The following CARD10 variants were observed in gnomAD, a reference collection of about 807,000 sequenced individuals.
CARD10 encodes the protein caspase recruitment domain family member 10.
In CARD10, 49 loss-of-function variants were observed where a neutral mutation model predicts 114.6. The ratio of observed to expected loss-of-function variants is 0.43; its 90% CI spans 0.34 to 0.54. The LOEUF (loss-of-function observed/expected upper bound fraction) is 0.54, where lower values mean the gene tolerates loss of function less well. CARD10 is among the 20% of genes least tolerant of loss of function. The pLI is 0.03. For synonymous variants in CARD10, 602 were observed against 593.2 expected (o/e 1.01, Z -0.21); for missense variants, 1,206 against 1,397.2 (o/e 0.86, Z 2.18).
At chr22:37,517,464 C>T (rs996199204) in intron 2 of CARD10, among the ~76,000 whole-genome samples, 5 of 152,020 alleles carry the variant, frequency 3.3e-5, no homozygotes, top group Non-Finnish European at 7.4e-5. Context: ...GATGAAACCC[C>T]ATCTCTATTA....
intron 1 of CARD10, among the ~76,000 whole-genome samples, chr22:37,518,600 C>T (rs1369536504): frequency 6.6e-6 from 1 of 152,156 alleles, no homozygotes. Flanking sequence ...GAGGAGGGGA[C>T]AGACAGAACT....
chr22:37,513,199 C>T (rs111533522), intron 3 of CARD10, among the ~76,000 whole-genome samples: 23,682 of 152,094 alleles, frequency 0.16, 2,270 homozygotes, highest in Middle Eastern at 0.33. Flanking sequence ...CAACCTCCAC[C>T]TCCCGGGTTC....
rs540594460 is a variant in CARD10, at chr22:37,491,105, T to C, written c.*54A>G. Reference sequence around the variant, plus strand: ...AGGGTGGGAGGGCCCAGCTTCACCATAGACACCAGGGTCCACGCTGGCTTG... The same window carrying C: ...AGGGTGGGAGGGCCCAGCTTCACCACAGACACCAGGGTCCACGCTGGCTTG... On this transcript the variant is annotated 3_prime_UTR_variant, in exon 20 of 20. Coordinates refer to ENST00000251973, the MANE Select transcript of CARD10 (RefSeq NM_014550.4). 4.5e-5 allele frequency: 63 copies of C among 1,405,316 alleles called. No homozygotes were observed. The highest frequency in any genetic ancestry group is 2.6e-4 in the South Asian group (21 of 80,474). 87.1% of individuals were successfully genotyped at this position (1,405,316 alleles called of 1,614,324 possible). A position where few individuals can be genotyped will look rare whatever the true frequency, so the allele number is the denominator to read the frequency against.
At position 37,491,161 on chromosome 22, in the gene CARD10, A is replaced by G; in HGVS notation, c.3097T>C (p.Ter1033ArgextTer20). 1.3e-6 allele frequency: 2 copies of G among 1,554,708 alleles called. No homozygotes were observed. Among genetic ancestry groups the G allele is most frequent in the Non-Finnish European group, 1.7e-6 (2 of 1,150,102 alleles). Residue 1033 changes from the stop codon to arginine, a stop_lost, in exon 20 of 20, where the codon TGA (stop) becomes CGA (arginine). Transcript: ENST00000251973. ...AAGGTGCAGGTATCAGATGAGCCTC[A>G]GGCCTCACTGCTGCTGGGGCAGCCT... ...SRGCPSSSEA[*>R]
Position 37,501,277 on chromosome 22 carries a change from G to T in CARD10, c.1787+1325C>A, listed in dbSNP as rs1923201955. On this transcript the variant is annotated intron_variant, in intron 11 of 19. Transcript: ENST00000251973. The surrounding 1 kb of genome is among the most constrained non-coding windows in gnomAD (Gnocchi z 5.4). ...CATGTGATCGTGGGGCCTGGGCGGG[G>T]CTGGGACGGAGGCTCCTGCTCCCTG... is the stretch of plus-strand genomic sequence containing the variant. Among the ~76,000 whole-genome samples, 1 of 152,156 alleles carries T rather than the reference G, an allele frequency of 6.6e-6. No individual in the cohort carries two copies. Among genetic ancestry groups the T allele is most frequent in the Non-Finnish European group, 1.5e-5 (1 of 68,026 alleles).
rs1923206925 is a variant in CARD10, at chr22:37,501,406, C to T, written c.1787+1196G>A. On this transcript the variant is annotated intron_variant, in intron 11 of 19. Transcript: ENST00000251973. The surrounding 1 kb of genome is among the most constrained non-coding windows in gnomAD (Gnocchi z 5.4). ...GCGAGCAGGAAGGGAGGCGCCTCCA[C>T]CCCTTCCCCGAGAAGCACGTCCTGC... is the stretch of plus-strand genomic sequence containing the variant. 6.6e-6 allele frequency among the ~76,000 whole-genome samples: 1 copy of T among 151,950 alleles called. No homozygotes were observed. Among genetic ancestry groups the T allele is most frequent in the African/African-American group, 2.4e-5 (1 of 41,302 alleles).
intron 3 of CARD10, among the ~76,000 whole-genome samples, chr22:37,513,608 G>T (rs1254743140): frequency 6.6e-6 from 1 of 152,020 alleles, no homozygotes; most frequent in Non-Finnish European, 1.5e-5. Context: ...AGCCGTGAGG[G>T]CTGCAGCCCC....
Position 37,496,687 on chromosome 22 carries a change from A to C in CARD10, c.1948-127T>G. 1.3e-6 allele frequency: 1 copy of C among 745,050 alleles called. No individual in the cohort carries two copies. Among genetic ancestry groups the C allele is most frequent in the South Asian group, 1.5e-5 (1 of 64,688 alleles). 46.2% of individuals were successfully genotyped at this position (745,050 alleles called of 1,614,324 possible). A position where few individuals can be genotyped will look rare whatever the true frequency, so the allele number is the denominator to read the frequency against. The stretch of plus-strand genomic sequence containing the variant: ...CAGTTCAGATAGCGCCCCCTCAGAA[A>C]CTGCCATGCCCAGCCCAGTCAGACC... On this transcript the variant is annotated intron_variant, in intron 12 of 19. Transcript: ENST00000251973. The surrounding 1 kb of genome is among the most constrained non-coding windows in gnomAD (Gnocchi z 4.1).
chr22:37,511,187 C>T (rs1234411795), intron 3 of CARD10, among the ~76,000 whole-genome samples: 3 of 150,456 alleles, frequency 2.0e-5, no homozygotes, highest in South Asian at 4.2e-4. Flanking sequence ...GACCTCGTCT[C>T]GACAAAAAAA....
Position 37,507,895 on chromosome 22 carries a change from G to A in CARD10, c.1125C>T (p.Asp375=). The A allele has an allele frequency of 6.2e-7, 1 of 1,614,178 alleles. No homozygotes were observed. The highest frequency in any genetic ancestry group is 8.5e-7 in the Non-Finnish European group (1 of 1,180,002). ...LKHRTLQKDC[D]LYKHRMATVL... is the part of the protein sequence containing the mutation. ...CAGTGGCCATGCGGTGCTTGTACAG[G>A]TCACAGTCCTTCTGCAGCGTGCGGT... The change falls in exon 6 of 20, where the codon GAC becomes GAT. Residue 375 remains aspartate, a synonymous_variant. Coordinates refer to ENST00000251973, the MANE Select transcript of CARD10 (RefSeq NM_014550.4).
At chr22:37,514,364 C>T (rs1923764007) in intron 3 of CARD10, among the ~76,000 whole-genome samples, 1 of 152,098 alleles carries the variant, frequency 6.6e-6, no homozygotes, top group African/African-American at 2.4e-5. Flanking sequence ...AAAGGAAAGC[C>T]TTCCCCATGC....
At position 37,508,669 on chromosome 22, in the gene CARD10, G is replaced by T; in HGVS notation, c.923C>A (p.Pro308Gln). Residue 308 changes from proline to glutamine, a missense_variant, in exon 5 of 20, where the codon CCG (proline) becomes CAG (glutamine). Pro to Gln is a moderately conservative substitution (Grantham distance 76, BLOSUM62 -1). Transcript: ENST00000251973. The stretch of plus-strand genomic sequence containing the variant: ...GATGCGCTCGGAGCCCGGGGCCCCC[G>T]GCCGGCTCGCCTCCTGGGGATCACA... ...QEGLQQEASRPGAPGSERILL... is the reference protein window; with the variant it reads ...QEGLQQEASRQGAPGSERILL... 2 of 1,565,690 alleles carry T rather than the reference G, an allele frequency of 1.3e-6. No individual in the cohort carries two copies. Among genetic ancestry groups the T allele is most frequent in the South Asian group, 1.2e-5 (1 of 86,114 alleles).
intron 4 of CARD10, 178 bp from the exon 5 acceptor site, chr22:37,508,860 C>G: frequency 8.4e-7 from 1 of 1,194,538 alleles, no homozygotes. Flanking sequence ...GTGGGTGTGG[C>G]CCCACAAGCC....
intron 3 of CARD10, 98 bp from the exon 4 acceptor site, chr22:37,510,519 C>T: frequency 9.5e-7 from 1 of 1,047,228 alleles, no homozygotes; most frequent in East Asian, 2.5e-5. Context: ...GGGTGCCTCC[C>T]AGATTCCCAG....
intron 3 of CARD10, among the ~76,000 whole-genome samples, chr22:37,511,448 G>A (rs73416247): frequency 8.4e-5 from 10 of 119,354 alleles, no homozygotes; most frequent in African/African-American, 2.4e-4. Context: ...GAAGGAGAAG[G>A]AGGAGGAGGA....
In CARD10 at chr22:37,496,089, T is replaced by A; in HGVS notation, c.2060-86A>T. ...ATCGGCCTTGGTGGGGCCAAAGACA[T>A]GGCCCTCTCGAGGCCTGAGTTCCCA... On this transcript the variant is annotated intron_variant, in intron 13 of 19. Coordinates refer to ENST00000251973, the MANE Select transcript of CARD10 (RefSeq NM_014550.4). The surrounding 1 kb of genome is among the most constrained non-coding windows in gnomAD (Gnocchi z 4.1). The A allele has an allele frequency of 6.5e-7, 1 of 1,536,100 alleles. No individual in the cohort carries two copies. The highest frequency in any genetic ancestry group is 8.8e-7 in the Non-Finnish European group (1 of 1,134,846).
At chr22:37,502,114 C>T (rs1213243412) in intron 11 of CARD10, among the ~76,000 whole-genome samples, 2 of 152,238 alleles carry the variant, frequency 1.3e-5, no homozygotes, top group East Asian at 3.8e-4. Flanking sequence ...CTTTGTGACT[C>T]CTGTTATGGA....
chr22:37,501,723 T>G lies in CARD10; in HGVS notation c.1787+879A>C, dbSNP rs997116036. Among the ~76,000 whole-genome samples, 4 of 152,224 alleles carry G rather than the reference T, an allele frequency of 2.6e-5. No homozygotes were observed. Among genetic ancestry groups the G allele is most frequent in the Admixed American group, 2.6e-4 (4 of 15,282 alleles). On this transcript the variant is annotated intron_variant, in intron 11 of 19. Transcript: ENST00000251973. The surrounding 1 kb of genome is among the most constrained non-coding windows in gnomAD (Gnocchi z 5.4). ...GTTGCTTAACCTCTCTGAGCCCCAG[T>G]TACCTCCTCTATGGAGCAGAGATAA...
Position 37,501,455 on chromosome 22 carries a change from G to A in CARD10, c.1787+1147C>T, listed in dbSNP as rs1435886223. Among the ~76,000 whole-genome samples the A allele has an allele frequency of 2.0e-5, 3 of 152,268 alleles. No homozygotes were observed. Among genetic ancestry groups the A allele is most frequent in the East Asian group, 3.9e-4 (2 of 5,176 alleles). ...GCACAGGCAAAAACAATGTCTCGCT[G>A]AGCCCACTGCCGGGGGCCAGGTGGG... On this transcript the variant is annotated intron_variant, in intron 11 of 19. Coordinates refer to ENST00000251973, the MANE Select transcript of CARD10 (RefSeq NM_014550.4). The surrounding 1 kb of genome is among the most constrained non-coding windows in gnomAD (Gnocchi z 5.4).
Sources: gnomAD v4.1 joint callset for allele counts (sites outside exome capture counted in the v4.1 genomes callset) on GRCh38, gnomAD v4.1.1 for gene constraint, Gnocchi (gnomAD v3.1) non-coding constraint, MANE v1.5 for transcripts, NCBI Gene and HGNC (gene_info 2026-07-23, HGNC 2026-07-21) for gene names.